Variants in FHIT observed in about 807,000 individuals in gnomAD.
FHIT encodes bis(5'-adenosyl)-triphosphatase.
In FHIT, 19 loss-of-function variants were observed where a neutral mutation model predicts 17.9. That is an observed-to-expected ratio of 1.06 (90% CI 0.74 to 1.56). The LOEUF (loss-of-function observed/expected upper bound fraction) is 1.56. Ranked by LOEUF, FHIT falls within the 40% of genes most tolerant of loss-of-function variation. FHIT has a pLI of 0.00. For synonymous variants in FHIT, 81 were observed against 69.7 expected (o/e 1.16, Z -0.81); for missense variants, 248 against 189.2 (o/e 1.31, Z -1.82).
At chr3:59,761,582 G>A (rs1431233871) in intron 8 of FHIT, among the ~76,000 whole-genome samples, 9 of 152,054 alleles carry the variant, frequency 5.9e-5, no homozygotes. Flanking sequence ...GAAGATCCCT[G>A]CTTGCAGAGG....
rs73089924 is a variant in FHIT at position 59,997,852 on chromosome 3, G to A, written c.279+13519C>T. 8.7e-3 allele frequency among the ~76,000 whole-genome samples: 1,327 copies of A among 152,230 alleles called. 6 individuals carry two copies. The highest frequency in any genetic ancestry group is 0.013 in the Non-Finnish European group (861 of 68,022). On this transcript the variant is annotated intron_variant, in intron 7 of 9. Transcript: ENST00000492590. ...TTTATAAGGCTCAGGAGACAGTGGG[G>A]TGATAAATATAAGCCCTTCTGCTGT...
intron 5 of FHIT, among the ~76,000 whole-genome samples, chr3:60,372,419 T>A (rs1194768495): frequency 6.6e-6 from 1 of 152,182 alleles, no homozygotes; most frequent in Admixed American, 6.5e-5. Flanking sequence ...TTTAGAACAT[T>A]ATGTTTAAAA....
At chr3:60,478,963 G>C (rs899793226) in intron 5 of FHIT, among the ~76,000 whole-genome samples, 6 of 152,104 alleles carry the variant, frequency 3.9e-5, no homozygotes, top group African/African-American at 1.4e-4. Flanking sequence ...TCCAGTAAAA[G>C]ACACTGTATT....
intron 4 of FHIT, among the ~76,000 whole-genome samples, chr3:60,714,244 T>A (rs1282793796): frequency 6.6e-6 from 1 of 152,266 alleles, no homozygotes; most frequent in Non-Finnish European, 1.5e-5. Flanking sequence ...CCCTTCATGC[T>A]AAAAACTCTC....
chr3:60,645,699 T>G (rs1553686560), intron 4 of FHIT, among the ~76,000 whole-genome samples: 2 of 152,156 alleles, frequency 1.3e-5, no homozygotes, highest in African/African-American at 4.8e-5. Context: ...AATACAACCA[T>G]TCTAACATCC....
chr3:60,213,916 A>C (rs1040529709), intron 5 of FHIT, among the ~76,000 whole-genome samples: 1 of 152,208 alleles, frequency 6.6e-6, no homozygotes, highest in Admixed American at 6.5e-5. Flanking sequence ...TCATAAATGG[A>C]AAGCATTTAA....
chr3:60,852,949 A>G (rs2106920881), intron 3 of FHIT, among the ~76,000 whole-genome samples: 1 of 152,306 alleles, frequency 6.6e-6, no homozygotes, highest in Admixed American at 6.5e-5. Flanking sequence ...ATATAGGGAT[A>G]TGAAACACAT....
intron 3 of FHIT, among the ~76,000 whole-genome samples, chr3:60,926,728 GAC>G (rs1707637959): frequency 6.6e-6 from 1 of 152,264 alleles, no homozygotes; most frequent in South Asian, 2.1e-4. Context: ...AGGAGATAGA[GAC>G]ACAAAAAACC....
At position 59,893,025 on chromosome 3, in the gene FHIT, T is replaced by G. The variant is rs569534444; in HGVS notation, c.348+29321A>C. On this transcript the variant is annotated intron_variant, in intron 8 of 9. Transcript: ENST00000492590. ...ACACAGTCAAAGTTAACACACTATA[T>G]TTTAAAACTATATCTAAAAAACTCA... 5.9e-5 allele frequency among the ~76,000 whole-genome samples: 9 copies of G among 152,350 alleles called. No homozygotes were observed. In the East Asian group the frequency reaches 1.5e-3, roughly 26 times the overall value.
intron 5 of FHIT, among the ~76,000 whole-genome samples, chr3:60,471,205 C>T (rs371455674): frequency 5.3e-5 from 8 of 152,188 alleles, no homozygotes; most frequent in East Asian, 1.9e-4. Flanking sequence ...AGCTCAAGCA[C>T]TCCCTTCACC....
rs59158084 is a variant in FHIT, at chr3:61,006,606, CTTT to C, written c.-111+35438_-111+35440del. Among the ~76,000 whole-genome samples, 237 of 145,890 alleles carry C rather than the reference CTTT, an allele frequency of 1.6e-3. 1 individual carries two copies. The highest frequency in any genetic ancestry group is 4.2e-3 in the African/African-American group (169 of 39,910). ...CCCCCACTGATTTGGAAAACATATT[CTTT>C]TTTTTTTTTTTTTACAATTAACTGC... On this transcript the variant is annotated intron_variant, in intron 3 of 9. Coordinates refer to ENST00000492590, the MANE Select transcript of FHIT (RefSeq NM_002012.4).
chr3:61,226,697 G>C (rs2039979675), intron 1 of FHIT, among the ~76,000 whole-genome samples: 1 of 152,174 alleles, frequency 6.6e-6, no homozygotes, highest in South Asian at 2.1e-4. Flanking sequence ...GAAAAGGAAA[G>C]AGAGAGAGAA....
At chr3:61,138,101 ACCTCATAGG>A (rs68003019) in intron 2 of FHIT, among the ~76,000 whole-genome samples, 19,774 of 152,120 alleles carry the variant, frequency 0.13, 1,848 homozygotes, top group East Asian at 0.43. Context: ...AAGAGGTCCC[ACCTCATAGG>A]AGTATTACAA....
intron 5 of FHIT, among the ~76,000 whole-genome samples, chr3:60,413,221 C>T (rs906486319): frequency 6.6e-6 from 1 of 152,030 alleles, no homozygotes; most frequent in Admixed American, 6.6e-5. Flanking sequence ...AAGCACTAGT[C>T]AGAAGGAAAA....
At chr3:60,546,912 A>C (rs2036386060) in intron 4 of FHIT, among the ~76,000 whole-genome samples, 1 of 152,130 alleles carries the variant, frequency 6.6e-6, no homozygotes, top group Admixed American at 6.6e-5. Flanking sequence ...CCTCTTTTTT[A>C]ATTGTGGTAA....
At chr3:60,468,653 T>C (rs2032925847) in intron 5 of FHIT, among the ~76,000 whole-genome samples, 2 of 152,164 alleles carry the variant, frequency 1.3e-5, no homozygotes, top group African/African-American at 2.4e-5. Flanking sequence ...TGAAAAGTTG[T>C]GGTTATTATT....
chr3:60,634,126 A>T (rs1402293013), intron 4 of FHIT, among the ~76,000 whole-genome samples: 1 of 152,150 alleles, frequency 6.6e-6, no homozygotes, highest in East Asian at 1.9e-4. Flanking sequence ...GACTCCTCTG[A>T]GCTTCACTTT....
chr3:60,393,293 T>A (rs1701303942), intron 5 of FHIT, among the ~76,000 whole-genome samples: 1 of 151,940 alleles, frequency 6.6e-6, no homozygotes, highest in African/African-American at 2.4e-5. Flanking sequence ...TGAGAAAAAA[T>A]TTATCTTTCA....
chr3:59,837,449 C>T (rs1268682751), intron 8 of FHIT, among the ~76,000 whole-genome samples: 1 of 152,128 alleles, frequency 6.6e-6, no homozygotes. Context: ...GAAAAGCCTG[C>T]ACTTGTTCAG....
Sources: allele counts gnomAD v4.1 joint callset (sites outside exome capture counted in the v4.1 genomes callset), GRCh38; gene constraint gnomAD v4.1.1; transcripts MANE v1.5; gene names NCBI Gene and HGNC (gene_info 2026-07-23, HGNC 2026-07-21).